NEGR1: variants seen among roughly 807,000 people sequenced by gnomAD.
NEGR1 encodes the protein neuronal growth regulator 1, also known as IgLON family member 4.
A neutral mutation model predicts 40.9 loss-of-function variants in NEGR1; 10 were observed. The ratio of observed to expected loss-of-function variants is 0.24; its 90% CI spans 0.15 to 0.42. NEGR1 has a LOEUF of 0.42. NEGR1 is among the 10% of genes least tolerant of loss of function. The probability of loss-of-function intolerance (pLI) is 1.00; values close to 1 mark genes in which losing one functional copy is unlikely to be tolerated. For synonymous variants in NEGR1, 185 were observed against 166.8 expected, an observed-to-expected ratio of 1.11 and a Z score of -0.84; for missense variants, 352 against 438.9, an observed-to-expected ratio of 0.80 and a Z score of 1.77.
At chr1:72,077,626 CAATAAATAAATA>C (rs3080202) in intron 1 of NEGR1, among the ~76,000 whole-genome samples, 23 of 146,944 alleles carry the variant, frequency 1.6e-4, no homozygotes, top group East Asian at 4.1e-4. Context: ...TCTGTCTCTA[CAATAAATAAATA>C]AATAAATAAA....
chr1:71,658,121 G>A (rs533485969), intron 4 of NEGR1, among the ~76,000 whole-genome samples: 53 of 152,236 alleles, frequency 3.5e-4, no homozygotes, highest in African/African-American at 1.3e-3. Flanking sequence ...AAGCATATCT[G>A]TATTATGTTG....
At chr1:71,782,929 C>T (rs1038076592) in intron 2 of NEGR1, among the ~76,000 whole-genome samples, 2 of 151,878 alleles carry the variant, frequency 1.3e-5, no homozygotes, top group African/African-American at 2.4e-5. Context: ...TAATCATACA[C>T]ATTTATTTTT....
intron 6 of NEGR1, among the ~76,000 whole-genome samples, chr1:71,464,418 C>CAG (rs10630538): frequency 0.97 from 147,806 of 152,156 alleles, 71,947 homozygotes; most frequent in East Asian, 1. Flanking sequence ...CATCAAATGA[C>CAG]AGTTATGAGA....
intron 1 of NEGR1, among the ~76,000 whole-genome samples, chr1:72,139,337 GA>G (rs1198398484): frequency 1.3e-5 from 2 of 149,354 alleles, no homozygotes; most frequent in African/African-American, 4.9e-5. Flanking sequence ...ATAGATAATA[GA>G]AAAAACAACA....
intron 6 of NEGR1, among the ~76,000 whole-genome samples, chr1:71,587,109 G>A (rs909096146): frequency 6.6e-6 from 1 of 152,026 alleles, no homozygotes; most frequent in African/African-American, 2.4e-5. Context: ...TATCTAAAAT[G>A]GGAGTCATTC....
chr1:71,987,642 C>T (rs963671284), intron 1 of NEGR1, among the ~76,000 whole-genome samples: 13 of 152,228 alleles, frequency 8.5e-5, no homozygotes, highest in East Asian at 1.9e-4. Context: ...ATCACAGAAG[C>T]GCATTCCCCA....
intron 6 of NEGR1, among the ~76,000 whole-genome samples, chr1:71,544,518 C>T (rs1463859962): frequency 1.3e-5 from 2 of 151,686 alleles, no homozygotes; most frequent in East Asian, 2.0e-4. Flanking sequence ...AATAACTTGC[C>T]TCATGAGGTG....
intron 2 of NEGR1, among the ~76,000 whole-genome samples, chr1:71,923,914 T>G (rs1463362278): frequency 6.6e-6 from 1 of 152,086 alleles, no homozygotes; most frequent in African/African-American, 2.4e-5. Context: ...TTTCTTTTTT[T>G]TTTTCTTTTT....
chr1:71,643,858 C>T (rs753648370), intron 4 of NEGR1, among the ~76,000 whole-genome samples: 8 of 151,864 alleles, frequency 5.3e-5, no homozygotes, highest in Non-Finnish European at 7.4e-5. Flanking sequence ...ATTAGCTTTC[C>T]TATGGATTTT....
chr1:71,736,300 G>C (rs1432001869), intron 3 of NEGR1, among the ~76,000 whole-genome samples: 5 of 151,688 alleles, frequency 3.3e-5, no homozygotes, highest in African/African-American at 1.2e-4. Flanking sequence ...ATGTGGTCTG[G>C]GATTTAATAT....
intron 1 of NEGR1, among the ~76,000 whole-genome samples, chr1:71,988,047 G>A (rs367543679): frequency 1.3e-5 from 2 of 152,198 alleles, no homozygotes; most frequent in African/African-American, 4.8e-5. Flanking sequence ...CATAGATGAA[G>A]AGCACGTACA....
At chr1:71,574,635 C>A (rs1170566960) in intron 6 of NEGR1, among the ~76,000 whole-genome samples, 1 of 152,050 alleles carries the variant, frequency 6.6e-6, no homozygotes, top group Admixed American at 6.5e-5. Context: ...TTAAAAATAG[C>A]ATTCATGTCT....
chr1:71,479,062 G>C (rs895703704), intron 6 of NEGR1, among the ~76,000 whole-genome samples: 4 of 151,894 alleles, frequency 2.6e-5, no homozygotes, highest in Non-Finnish European at 5.9e-5. Context: ...TTTATACAAT[G>C]TGCAACATAA....
At chr1:72,084,908 G>C (rs995021734) in intron 1 of NEGR1, among the ~76,000 whole-genome samples, 4 of 152,164 alleles carry the variant, frequency 2.6e-5, no homozygotes, top group Admixed American at 2.0e-4. Context: ...TGATGGAAAC[G>C]ATTATAAAAG....
chr1:71,528,403 C>A (rs573273989), intron 6 of NEGR1, among the ~76,000 whole-genome samples: 5 of 151,246 alleles, frequency 3.3e-5, no homozygotes, highest in African/African-American at 9.7e-5. Context: ...AGATAATAAC[C>A]TATGCTCCTA....
intron 6 of NEGR1, among the ~76,000 whole-genome samples, chr1:71,566,574 C>A (rs1262459285): frequency 6.6e-6 from 1 of 152,088 alleles, no homozygotes; most frequent in Non-Finnish European, 1.5e-5. Context: ...GGATTTGAAA[C>A]CAGAGCTGTC....
At chr1:72,090,553 G>T (rs1469172664) in intron 1 of NEGR1, among the ~76,000 whole-genome samples, 1 of 151,948 alleles carries the variant, frequency 6.6e-6, no homozygotes, top group African/African-American at 2.4e-5. Context: ...CTATCTAAGT[G>T]CCTAATTTTT....
intron 6 of NEGR1, among the ~76,000 whole-genome samples, chr1:71,475,241 T>C (rs1047538865): frequency 4.6e-5 from 7 of 152,218 alleles, no homozygotes; most frequent in Middle Eastern, 6.8e-3. Context: ...TTGAATAATA[T>C]GCTTTTTAAA....
intron 1 of NEGR1, among the ~76,000 whole-genome samples, chr1:72,024,832 C>T (rs1430173723): frequency 2.0e-5 from 3 of 152,276 alleles, no homozygotes; most frequent in African/African-American, 7.2e-5. Context: ...TCTTTAAAAC[C>T]TCTTTATGCA....
Sources: gnomAD v4.1 joint callset for allele counts (sites outside exome capture counted in the v4.1 genomes callset) on GRCh38, gnomAD v4.1.1 for gene constraint, MANE v1.5 for transcripts, NCBI Gene and HGNC (gene_info 2026-07-23, HGNC 2026-07-21) for gene names.